LYZL2: variants seen among roughly 807,000 people sequenced by gnomAD.
LYZL2 encodes the protein lysozyme like 2.
Under a neutral mutation model 17.1 loss-of-function variants are expected in LYZL2, and 13 were observed. The observed-to-expected ratio is 0.76, with a 90% CI of 0.49 to 1.21. The LOEUF is 1.21. Among genes scored for constraint, LYZL2 ranks in the 50% most tolerant of loss-of-function variants. The pLI is 0.00. For synonymous variants in LYZL2, 63 were observed against 74.4 expected, an observed-to-expected ratio of 0.85 and a Z score of 0.79; for missense variants, 166 against 189.2, an observed-to-expected ratio of 0.88 and a Z score of 0.72.
At chr10:30,626,036 T>C in intron 3 of LYZL2, 69 bp downstream of exon 3, 2 of 1,563,870 alleles carry the variant, frequency 1.3e-6, no homozygotes, top group East Asian at 2.3e-5. Flanking sequence ...CAAGACATGG[T>C]TGGTGATCCC....
chr10:30,624,228 C>T (rs1352303579), intron 3 of LYZL2, among the ~76,000 whole-genome samples: 1 of 152,178 alleles, frequency 6.6e-6, no homozygotes, highest in Non-Finnish European at 1.5e-5. Flanking sequence ...TCAATGGATT[C>T]CCATGTCCTC....
At chr10:30,608,983 G>A (rs955623234), downstream of LYZL2, among the ~76,000 whole-genome samples, 1 of 152,078 alleles carries the variant, frequency 6.6e-6, no homozygotes, top group African/African-American at 2.4e-5. Flanking sequence ...GGAACTACAG[G>A]TGTGCACCAC....
intron 3 of LYZL2, 96 bp downstream of exon 3, chr10:30,626,009 C>A: frequency 1.3e-6 from 2 of 1,531,296 alleles, no homozygotes; most frequent in Non-Finnish European, 1.8e-6. Flanking sequence ...AGTCTGAACT[C>A]CAAATTTTAG....
intron 4 of LYZL2, 39 bp from the exon 5 acceptor site, chr10:30,612,063 G>A (rs531253462): frequency 1.1e-5 from 17 of 1,606,010 alleles, no homozygotes; most frequent in South Asian, 7.7e-5. Flanking sequence ...AGAAAGAAGC[G>A]TGACAATCCA....
At chr10:30,612,114 C>A (rs1383121995) in intron 4 of LYZL2, 90 bp from the exon 5 acceptor site, 1 of 1,482,480 alleles carries the variant, frequency 6.7e-7, no homozygotes, top group East Asian at 2.3e-5. Flanking sequence ...TAACCAAAAT[C>A]GCCAGCGGAA....
downstream of LYZL2, among the ~76,000 whole-genome samples, chr10:30,611,124 C>A (rs533471378): frequency 6.6e-6 from 1 of 152,076 alleles, no homozygotes; most frequent in Non-Finnish European, 1.5e-5. Context: ...GCCACAGGAA[C>A]CAGGACTCCC....
intron 1 of LYZL2, among the ~76,000 whole-genome samples, chr10:30,628,991 A>T (rs1038356670): frequency 6.6e-6 from 1 of 152,176 alleles, no homozygotes; most frequent in African/African-American, 2.4e-5. Flanking sequence ...GGCTGTATAG[A>T]CCACAAAGCC....
chr10:30,609,834 T>G (rs1273067655), downstream of LYZL2, among the ~76,000 whole-genome samples: 1 of 152,198 alleles, frequency 6.6e-6, no homozygotes, highest in Non-Finnish European at 1.5e-5. Flanking sequence ...TATGGAAAAT[T>G]ATCTGGGAAA....
Position 30,626,246 on chromosome 10 carries a change from A to G in LYZL2, c.157T>C (p.Tyr53His). ...SLGNWICMAY[Y>H]ESGYNTTAQT... ...GCTGTGGTGTTGTAGCCGCTCTCATAATACGCCATGCAGATCCCTGGAGGG... is the reference window on the plus strand; with the variant it reads ...GCTGTGGTGTTGTAGCCGCTCTCATGATACGCCATGCAGATCCCTGGAGGG... Residue 53 changes from tyrosine to histidine, a missense_variant, in exon 3 of 5, where the codon TAT (tyrosine) becomes CAT (histidine). Tyr to His is a moderately conservative substitution (Grantham distance 83, BLOSUM62 2). Around this residue, in one of 2 missense-constraint regions of LYZL2, gnomAD observed 134 missense variants for 129.4 expected, o/e 1.04. Coordinates refer to ENST00000647634, the MANE Select transcript of LYZL2 (RefSeq NM_183058.3). 5 of 1,614,250 alleles carry G rather than the reference A, an allele frequency of 3.1e-6. No individual in the cohort carries two copies. Among genetic ancestry groups the G allele is most frequent in the Non-Finnish European group, 4.2e-6 (5 of 1,180,044 alleles).
intron 1 of LYZL2, among the ~76,000 whole-genome samples, chr10:30,628,636 C>T (rs542521827): frequency 2.0e-5 from 3 of 152,116 alleles, no homozygotes; most frequent in Non-Finnish European, 2.9e-5. Context: ...ATGTTCATCC[C>T]GTGTCATTTT....
Position 30,628,085 on chromosome 10 carries a change from A to G in LYZL2, c.-25-1145T>C, listed in dbSNP as rs550375265. Among the ~76,000 whole-genome samples, 8 of 152,182 alleles carry G rather than the reference A, an allele frequency of 5.3e-5. No individual in the cohort carries two copies. In the South Asian group the frequency reaches 1.0e-3, roughly 20 times the overall value. On this transcript the variant is annotated intron_variant, in intron 1 of 4. Transcript: ENST00000647634. ...TGAGGCAGGAGAATGGCGTGAACCC[A>G]GGAGGCTGAGCTTGCAGTGAGCGGA...
chr10:30,614,728 A>C (rs35541748), intron 3 of LYZL2, among the ~76,000 whole-genome samples: 2,668 of 152,278 alleles, frequency 0.018, 84 homozygotes, highest in African/African-American at 0.06. Flanking sequence ...TGGTGGGAGT[A>C]TAATGGATTC....
chr10:30,627,271 G>A (rs1838729333), intron 1 of LYZL2, among the ~76,000 whole-genome samples: 1 of 151,888 alleles, frequency 6.6e-6, no homozygotes, highest in Non-Finnish European at 1.5e-5. Context: ...ATGAAAAATA[G>A]AATACAGGGG....
intron 3 of LYZL2, among the ~76,000 whole-genome samples, chr10:30,623,998 T>G (rs1317848356): frequency 3.9e-5 from 6 of 152,210 alleles, no homozygotes; most frequent in Non-Finnish European, 5.9e-5. Context: ...GGCTGGGCAT[T>G]CCTCTTGCCT....
chr10:30,606,799 G>C (rs571045856), downstream of LYZL2, among the ~76,000 whole-genome samples: 8 of 152,186 alleles, frequency 5.3e-5, no homozygotes, highest in South Asian at 1.7e-3. Flanking sequence ...TGGAGCTACA[G>C]TAAGGGCATG....
intron 3 of LYZL2, among the ~76,000 whole-genome samples, chr10:30,625,005 C>T (rs1838681152): frequency 6.6e-6 from 1 of 152,114 alleles, no homozygotes; most frequent in Non-Finnish European, 1.5e-5. Context: ...TGGAATGGCC[C>T]TTGGGTGACA....
chr10:30,608,057 T>C (rs1838395327), downstream of LYZL2, among the ~76,000 whole-genome samples: 1 of 152,084 alleles, frequency 6.6e-6, no homozygotes, highest in African/African-American at 2.4e-5. Flanking sequence ...ATCCTCCCAC[T>C]TCAGCCTCTC....
At chr10:30,628,358 A>G (rs143208453) in intron 1 of LYZL2, among the ~76,000 whole-genome samples, 5,893 of 152,264 alleles carry the variant, frequency 0.039, 159 homozygotes, top group Non-Finnish European at 0.055. Context: ...AAAGTCTGGC[A>G]CCTGACTGGG....
intron 3 of LYZL2, among the ~76,000 whole-genome samples, chr10:30,621,083 C>T (rs1379663039): frequency 6.6e-6 from 1 of 152,028 alleles, no homozygotes; most frequent in Non-Finnish European, 1.5e-5. Context: ...AAATTATAAA[C>T]TCAGGGATAC....
Sources: gnomAD v4.1 joint callset for allele counts (sites outside exome capture counted in the v4.1 genomes callset) on GRCh38, gnomAD v4.1.1 for gene constraint, gnomAD v4.1.1 regional missense constraint, MANE v1.5 for transcripts, NCBI Gene and HGNC (gene_info 2026-07-23, HGNC 2026-07-21) for gene names.